ATXN8OS: variants seen among roughly 807,000 people sequenced by gnomAD.
ATXN8OS encodes ATXN8 opposite strand lncRNA.
At chr13:70,107,450 A>T, upstream of ATXN8OS, 1 of 1,614,136 alleles carries the variant, frequency 6.2e-7, no homozygotes, top group South Asian at 1.1e-5. Context: ...GAGGAGGAAG[A>T]GGACGGGGAG....
intron 3 of ATXN8OS, among the ~76,000 whole-genome samples, chr13:70,134,437 G>T (rs1403602689): frequency 6.6e-6 from 1 of 152,148 alleles, no homozygotes; most frequent in Admixed American, 6.5e-5. Context: ...ACAGAATTGG[G>T]CGCATGTCTC....
intron 3 of ATXN8OS, among the ~76,000 whole-genome samples, chr13:70,145,567 A>T (rs1449563163): frequency 6.6e-6 from 1 of 151,962 alleles, no homozygotes; most frequent in Non-Finnish European, 1.5e-5. Flanking sequence ...GGTCCTTCAC[A>T]TCCCTTGTAA....
chr13:70,137,246 G>C (rs1888631224), intron 3 of ATXN8OS, among the ~76,000 whole-genome samples: 4 of 152,128 alleles, frequency 2.6e-5, no homozygotes, highest in Admixed American at 2.6e-4. Flanking sequence ...ATGCAATTAA[G>C]ATGTTTAGCA....
intron 2 of ATXN8OS, among the ~76,000 whole-genome samples, chr13:70,124,736 A>G (rs1277526727): frequency 6.6e-6 from 1 of 151,928 alleles, no homozygotes; most frequent in Admixed American, 6.6e-5. Context: ...TCGCCAATCA[A>G]TTCACTATTT....
chr13:70,115,483 G>A (rs1888265270), intron 2 of ATXN8OS, among the ~76,000 whole-genome samples: 1 of 152,108 alleles, frequency 6.6e-6, no homozygotes, highest in Non-Finnish European at 1.5e-5. Flanking sequence ...ATGTATGTTT[G>A]TGTATTTGTG....
chr13:70,127,947 C>T (rs1371573082), intron 2 of ATXN8OS, among the ~76,000 whole-genome samples: 1 of 152,016 alleles, frequency 6.6e-6, no homozygotes, highest in African/African-American at 2.4e-5. Flanking sequence ...CACTAACACT[C>T]CTTCCTGCTT....
chr13:70,121,016 A>C (rs1008355174), intron 2 of ATXN8OS, among the ~76,000 whole-genome samples: 3 of 152,152 alleles, frequency 2.0e-5, no homozygotes, highest in African/African-American at 7.2e-5. Context: ...GCACATGTAT[A>C]CATATGTAAC....
intron 2 of ATXN8OS, among the ~76,000 whole-genome samples, chr13:70,129,259 T>C (rs1407435776): frequency 2.0e-5 from 3 of 152,194 alleles, no homozygotes; most frequent in Non-Finnish European, 4.4e-5. Context: ...GTTATTGTGT[T>C]TTTCAACAAA....
rs77618442 is a variant in ATXN8OS, at chr13:70,164,877, G to T, written n.574-4876G>T. 6.3e-3 allele frequency among the ~76,000 whole-genome samples: 952 copies of T among 152,048 alleles called. 15 individuals are homozygous for T. Among genetic ancestry groups the T allele is most frequent in the Admixed American group, 0.01 (160 of 15,256 alleles). On this transcript the variant is annotated intron_variant and non_coding_transcript_variant, in intron 4 of 4. Transcript: ENST00000678624. ...TGCAATAACTGAAAATAAAAGAATT[G>T]TGGAAAATTTCTAAAAATGTTGCAC...
chr13:70,110,587 G>A (rs944527718), intron 1 of ATXN8OS, among the ~76,000 whole-genome samples: 3 of 151,824 alleles, frequency 2.0e-5, no homozygotes, highest in African/African-American at 7.3e-5. Context: ...GAGAGACTGC[G>A]AGAGAGGGAA....
chr13:70,157,616 C>T (rs1286296640), intron 4 of ATXN8OS, among the ~76,000 whole-genome samples: 1 of 151,878 alleles, frequency 6.6e-6, no homozygotes, highest in Admixed American at 6.6e-5. Context: ...TTCAGCATTT[C>T]TGAGTGTGGA....
chr13:70,131,841 T>C (rs910858977), intron 3 of ATXN8OS, among the ~76,000 whole-genome samples: 3 of 152,210 alleles, frequency 2.0e-5, no homozygotes, highest in Non-Finnish European at 4.4e-5. Context: ...TTTATTTCAC[T>C]ATGCGACACC....
intron 1 of ATXN8OS, among the ~76,000 whole-genome samples, chr13:70,114,042 T>C (rs1407316448): frequency 6.6e-6 from 1 of 152,240 alleles, no homozygotes; most frequent in African/African-American, 2.4e-5. Context: ...TCAAATAAAT[T>C]ATATATTCAG....
At chr13:70,133,328 G>A (rs1345857623) in intron 3 of ATXN8OS, among the ~76,000 whole-genome samples, 1 of 152,164 alleles carries the variant, frequency 6.6e-6, no homozygotes, top group Non-Finnish European at 1.5e-5. Flanking sequence ...GCTGAAGTGG[G>A]AAGATTTCTT....
In ATXN8OS at chr13:70,154,386, C is replaced by A. The variant is rs1313298718; in HGVS notation, n.573+6958C>A. ...AAAGCCTGCAGAGGGGCTGCTACTT[C>A]TTTCTTTCTTTCCTTCTCTGTCTAC... On this transcript the variant is annotated intron_variant and non_coding_transcript_variant, in intron 4 of 4. Coordinates refer to ENST00000678624, the Ensembl canonical transcript of ATXN8OS. 2.6e-5 allele frequency among the ~76,000 whole-genome samples: 4 copies of A among 152,274 alleles called. No individual in the cohort carries two copies. In the East Asian group the frequency reaches 5.8e-4, roughly 22 times the overall value.
chr13:70,163,503 T>C (rs1295138829), intron 4 of ATXN8OS, among the ~76,000 whole-genome samples: 1 of 152,018 alleles, frequency 6.6e-6, no homozygotes, highest in Non-Finnish European at 1.5e-5. Flanking sequence ...TCCTCTACCC[T>C]TGATAGACTT....
intron 3 of ATXN8OS, among the ~76,000 whole-genome samples, chr13:70,135,889 G>A (rs536588161): frequency 2.2e-4 from 34 of 152,244 alleles, no homozygotes; most frequent in African/African-American, 7.7e-4. Context: ...TTCAAATATG[G>A]CATTTCAGGC....
intron 3 of ATXN8OS, among the ~76,000 whole-genome samples, chr13:70,141,548 A>G (rs1451701386): frequency 6.6e-6 from 1 of 152,158 alleles, no homozygotes; most frequent in African/African-American, 2.4e-5. Context: ...GAAAACTTAT[A>G]ATGCCTTAAC....
At position 70,116,741 on chromosome 13, in the gene ATXN8OS, G is replaced by A. The variant is rs143566546; in HGVS notation, n.398+1443G>A. 1.7e-3 allele frequency among the ~76,000 whole-genome samples: 265 copies of A among 152,192 alleles called. 1 individual carries two copies. Among genetic ancestry groups the A allele is most frequent in the African/African-American group, 4.8e-3 (198 of 41,538 alleles). On this transcript the variant is annotated intron_variant and non_coding_transcript_variant, in intron 2 of 4. Coordinates refer to ENST00000678624, the Ensembl canonical transcript of ATXN8OS. ...GATAGGAATAAACAGAAGAAAGCAA[G>A]GTAGAGAAAAGAAAAACAATGGACA...
Sources: gnomAD v4.1 joint callset for allele counts (sites outside exome capture counted in the v4.1 genomes callset) on GRCh38, gnomAD v4.1.1 for gene constraint, MANE v1.5 for transcripts, NCBI Gene and HGNC (gene_info 2026-07-23, HGNC 2026-07-21) for gene names.